The following SLC39A11 variants were observed in gnomAD, a reference collection of about 807,000 sequenced individuals.
The protein encoded by SLC39A11 is solute carrier family 39 member 11.
In SLC39A11, 33 loss-of-function variants were observed where a neutral mutation model predicts 36.1. That is an observed-to-expected ratio of 0.91 (90% confidence interval 0.69 to 1.22). The LOEUF (loss-of-function observed/expected upper bound fraction) is 1.22, where lower values mean the gene tolerates loss of function less well. Ranked by LOEUF, SLC39A11 falls within the 50% of genes most tolerant of loss-of-function variation. The pLI, the probability that SLC39A11 is intolerant of heterozygous loss-of-function variation, is 0.00. For synonymous variants in SLC39A11, 166 were observed against 170.3 expected, an observed-to-expected ratio of 0.97 and a Z score of 0.20; for missense variants, 432 against 430.3, an observed-to-expected ratio of 1.00 and a Z score of -0.03.
At chr17:72,900,144 G>GAAAGA (rs1567912083) in intron 5 of SLC39A11, among the ~76,000 whole-genome samples, 5 of 19,024 alleles carry the variant, frequency 2.6e-4, no homozygotes, top group African/African-American at 8.1e-4. Context: ...GAAAGAAAAA[G>GAAAGA]AAAGAAAGAA....
intron 4 of SLC39A11, among the ~76,000 whole-genome samples, chr17:72,958,075 A>T (rs898198978): frequency 6.6e-6 from 1 of 152,204 alleles, no homozygotes; most frequent in Admixed American, 6.5e-5. Context: ...ACTTAAAGCC[A>T]ACTGATCTTC....
rs888188748 is a variant in SLC39A11 at position 72,646,439 on chromosome 17, G to C, written c.*1145C>G. On this transcript the variant is annotated 3_prime_UTR_variant, in exon 10 of 10. Transcript: ENST00000255559. ...AAGGAGTAGGCTGGCTTCTGGTCTA[G>C]TTCGACTCATTCTTTATAGGGACAT... is the stretch of plus-strand genomic sequence containing the variant. 1 of 152,248 alleles carries C rather than the reference G, an allele frequency of 6.6e-6. No homozygotes were observed. The highest frequency in any genetic ancestry group is 1.5e-5 in the Non-Finnish European group (1 of 68,052). The allele number at this position is 152,248 out of a possible 1,614,324, so 9.4% of individuals were successfully genotyped here.
chr17:72,765,699 A>G (rs2075736086), intron 6 of SLC39A11, among the ~76,000 whole-genome samples: 1 of 152,162 alleles, frequency 6.6e-6, no homozygotes, highest in African/African-American at 2.4e-5. Context: ...CGCAGCCACA[A>G]CTTATTAAAA....
At chr17:73,087,973 C>T (rs17248364) in intron 2 of SLC39A11, among the ~76,000 whole-genome samples, 3 of 152,152 alleles carry the variant, frequency 2.0e-5, no homozygotes, top group African/African-American at 7.2e-5. Flanking sequence ...TAATGTTCTT[C>T]GGTCACGCAT....
chr17:72,693,776 C>A lies in SLC39A11; in HGVS notation c.671+42874G>T, dbSNP rs376928830. ...CTCCCAGATTCAAGCGATTCTCCTGCCTCAGCCTCCCAAGCAGCTGGAATT... is the reference window on the plus strand; with the variant it reads ...CTCCCAGATTCAAGCGATTCTCCTGACTCAGCCTCCCAAGCAGCTGGAATT... On this transcript the variant is annotated intron_variant, in intron 7 of 9. Transcript: ENST00000255559. 5.9e-5 allele frequency among the ~76,000 whole-genome samples: 9 copies of A among 152,292 alleles called. No individual in the cohort carries two copies. The East Asian group carries it at 1.2e-3, about 20-fold the overall frequency.
intron 4 of SLC39A11, among the ~76,000 whole-genome samples, chr17:73,007,249 C>T (rs1010067340): frequency 2.0e-5 from 3 of 152,116 alleles, no homozygotes; most frequent in Non-Finnish European, 4.4e-5. Context: ...GGTGAAATCC[C>T]ATCTCTACTA....
chr17:72,785,501 G>A (rs960929402), intron 6 of SLC39A11, among the ~76,000 whole-genome samples: 1 of 152,208 alleles, frequency 6.6e-6, no homozygotes, highest in Non-Finnish European at 1.5e-5. Flanking sequence ...CTCCATCTCC[G>A]AAGGGGAGAG....
chr17:72,675,970 T>C (rs2071239292), intron 7 of SLC39A11, among the ~76,000 whole-genome samples: 1 of 152,058 alleles, frequency 6.6e-6, no homozygotes. Flanking sequence ...TGAGCCACTG[T>C]GCCCGGCCCA....
At chr17:72,781,092 G>A (rs2076302350) in intron 6 of SLC39A11, among the ~76,000 whole-genome samples, 2 of 152,168 alleles carry the variant, frequency 1.3e-5, no homozygotes, top group African/African-American at 2.4e-5. Context: ...GGCACCTTCG[G>A]TCTCTCTCCT....
intron 7 of SLC39A11, among the ~76,000 whole-genome samples, chr17:72,735,890 C>A (rs887901897): frequency 6.6e-6 from 1 of 152,174 alleles, no homozygotes; most frequent in East Asian, 1.9e-4. Flanking sequence ...AAAGAATTTA[C>A]AAGGCCCAGT....
At chr17:72,800,116 A>G (rs377071762) in intron 6 of SLC39A11, among the ~76,000 whole-genome samples, 23 of 152,150 alleles carry the variant, frequency 1.5e-4, no homozygotes, top group African/African-American at 5.1e-4. Flanking sequence ...GGTTCCCCCA[A>G]TACATGTCTA....
chr17:72,889,942 G>A (rs900017836), intron 5 of SLC39A11, among the ~76,000 whole-genome samples: 10 of 152,070 alleles, frequency 6.6e-5, no homozygotes, highest in African/African-American at 2.4e-4. Flanking sequence ...AATGCATAGA[G>A]TTAGGTGGGT....
Position 72,713,424 on chromosome 17 carries a change from G to C in SLC39A11, c.671+23226C>G, listed in dbSNP as rs368110990. On this transcript the variant is annotated intron_variant, in intron 7 of 9. Coordinates refer to ENST00000255559, the MANE Select transcript of SLC39A11 (RefSeq NM_139177.4). ...AGGGTGTAGATGGGAGAGTTTCCAG[G>C]GGGAGGCAGCAGCCCCACACCACTG... 2.8e-4 allele frequency among the ~76,000 whole-genome samples: 43 copies of C among 151,678 alleles called. No individual in the cohort carries two copies. The East Asian group carries it at 8.0e-3, about 28-fold the overall frequency.
chr17:72,993,491 C>T (rs1288504422), intron 4 of SLC39A11, among the ~76,000 whole-genome samples: 1 of 152,206 alleles, frequency 6.6e-6, no homozygotes, highest in African/African-American at 2.4e-5. Flanking sequence ...ATTGTTGAAG[C>T]ATTGCTAACT....
At chr17:72,987,850 C>T (rs926159174) in intron 4 of SLC39A11, among the ~76,000 whole-genome samples, 5 of 152,254 alleles carry the variant, frequency 3.3e-5, no homozygotes, top group Middle Eastern at 6.8e-3. Context: ...AACAAACAGC[C>T]GGTGGGGGCT....
intron 6 of SLC39A11, among the ~76,000 whole-genome samples, chr17:72,847,918 T>G (rs2079124565): frequency 6.6e-6 from 1 of 152,156 alleles, no homozygotes; most frequent in Admixed American, 6.5e-5. Context: ...CACCATGAAC[T>G]CTGCAAGGAC....
At chr17:72,789,838 C>T (rs1207593574) in intron 6 of SLC39A11, among the ~76,000 whole-genome samples, 1 of 152,184 alleles carries the variant, frequency 6.6e-6, no homozygotes, top group African/African-American at 2.4e-5. Flanking sequence ...GTATGGGTGT[C>T]CTGCCATCTG....
intron 5 of SLC39A11, among the ~76,000 whole-genome samples, chr17:72,898,715 C>T (rs769644608): frequency 1.7e-4 from 26 of 152,266 alleles, no homozygotes; most frequent in Non-Finnish European, 3.4e-4. Context: ...CTCACGTAGA[C>T]ACTCATATAG....
At chr17:72,971,418 C>T (rs935591196) in intron 4 of SLC39A11, among the ~76,000 whole-genome samples, 7 of 152,136 alleles carry the variant, frequency 4.6e-5, no homozygotes, top group African/African-American at 1.7e-4. Context: ...TGCTCAACTT[C>T]CCCTCCCACA....
Sources: allele counts gnomAD v4.1 joint callset (sites outside exome capture counted in the v4.1 genomes callset), GRCh38; gene constraint gnomAD v4.1.1; transcripts MANE v1.5; gene names NCBI Gene and HGNC (gene_info 2026-07-23, HGNC 2026-07-21).